Variants in TBCK observed in about 807,000 individuals in gnomAD.
TBCK encodes TBC1 domain containing kinase, also known as TBC domain-containing protein kinase-like protein.
TBCK carries 99 observed loss-of-function variants against 113.4 expected under a neutral mutation model. The ratio of observed to expected loss-of-function variants is 0.87; its 90% CI spans 0.74 to 1.03. The LOEUF is 1.03. Ranked by LOEUF, TBCK falls within the 50% of genes least tolerant of loss-of-function variation. The pLI is 0.00. For synonymous variants in TBCK, 369 were observed against 370.8 expected, an observed-to-expected ratio of 1.00 and a Z score of 0.05; for missense variants, 1,045 against 1,061.3, an observed-to-expected ratio of 0.98 and a Z score of 0.21.
intron 25 of TBCK, among the ~76,000 whole-genome samples, chr4:106,059,181 G>A (rs114790864): frequency 0.012 from 1,711 of 137,858 alleles, 34 homozygotes; most frequent in African/African-American, 0.044. Flanking sequence ...TTTGGCCTTA[G>A]TTTTGTTACC....
At chr4:106,151,098 A>G (rs992724834) in intron 23 of TBCK, among the ~76,000 whole-genome samples, 1 of 151,926 alleles carries the variant, frequency 6.6e-6, no homozygotes, top group Non-Finnish European at 1.5e-5. Context: ...ATATTTATGC[A>G]TTACATGAGA....
Position 106,242,520 on chromosome 4 carries a change from A to G in TBCK, c.1120T>C (p.Ser374Pro), listed in dbSNP as rs1290079269. The G allele has an allele frequency of 6.2e-7, 1 of 1,609,496 alleles. No individual in the cohort carries two copies. Among genetic ancestry groups the G allele is most frequent in the Non-Finnish European group, 8.5e-7 (1 of 1,177,976 alleles). Residue 374 changes from serine (S) to proline (P), a missense_variant, in exon 12 of 26, where the codon TCG (serine) becomes CCG (proline). Physicochemically the swap from Ser to Pro is moderately conservative, Grantham distance 74 (BLOSUM62 -1). Coordinates refer to ENST00000394708, the MANE Select transcript of TBCK (RefSeq NM_001163435.3). ...ESFGQGRDRS[S>P]LLDDTTVTLS... ...GTCACAGTGGTATCATCTAAAAGCG[A>G]GCTTCTATCTCGACCTTGTCCAAAG...
At chr4:106,076,787 C>T (rs776948046) in intron 25 of TBCK, among the ~76,000 whole-genome samples, 23 of 152,000 alleles carry the variant, frequency 1.5e-4, no homozygotes, top group Non-Finnish European at 2.5e-4. Flanking sequence ...CAAAAGAGAA[C>T]GCAATTCTTT....
intron 23 of TBCK, among the ~76,000 whole-genome samples, chr4:106,123,769 A>G (rs1026141087): frequency 6.6e-6 from 1 of 151,378 alleles, no homozygotes; most frequent in Non-Finnish European, 1.5e-5. Flanking sequence ...CCTATTTAAT[A>G]AATGGTGCTG....
intron 3 of TBCK, among the ~76,000 whole-genome samples, chr4:106,294,761 G>T (rs1328731882): frequency 6.6e-6 from 1 of 151,986 alleles, no homozygotes; most frequent in African/African-American, 2.4e-5. Context: ...CATTACAGGC[G>T]TGAGCCACCA....
chr4:106,062,511 A>G (rs1736164973), intron 25 of TBCK, among the ~76,000 whole-genome samples: 2 of 152,052 alleles, frequency 1.3e-5, no homozygotes, highest in South Asian at 4.1e-4. Context: ...ATATTACACA[A>G]AGTACGCTAT....
At chr4:106,198,121 A>C (rs1560804903) in intron 20 of TBCK, among the ~76,000 whole-genome samples, 1 of 152,126 alleles carries the variant, frequency 6.6e-6, no homozygotes, top group African/African-American at 2.4e-5. Flanking sequence ...TTAGTGAAAA[A>C]GCCAAGGACT....
chr4:106,203,725 T>G (rs1285612451), intron 20 of TBCK, among the ~76,000 whole-genome samples: 5 of 152,058 alleles, frequency 3.3e-5, no homozygotes, highest in African/African-American at 4.8e-5. Context: ...TGAGCTATTA[T>G]TCCAGAATAT....
At chr4:106,289,768 A>AAAAAAAAAAAAG (rs1048426974) in intron 3 of TBCK, among the ~76,000 whole-genome samples, 1 of 142,922 alleles carries the variant, frequency 7.0e-6, no homozygotes, top group South Asian at 2.2e-4. Context: ...ACTCTGTCTC[A>AAAAAAAAAAAAG]AAAAAAAAAA....
intron 14 of TBCK, 31 bp downstream of exon 14, chr4:106,236,359 T>C (rs985992007): frequency 1.2e-5 from 16 of 1,371,872 alleles, no homozygotes; most frequent in African/African-American, 3.0e-5. Flanking sequence ...ATATGGGCTA[T>C]TGTTAACACT....
intron 23 of TBCK, among the ~76,000 whole-genome samples, chr4:106,143,001 G>C (rs1013819975): frequency 6.6e-6 from 1 of 152,174 alleles, no homozygotes; most frequent in African/African-American, 2.4e-5. Context: ...TCAGCTACTA[G>C]CTTGGGACAA....
intron 19 of TBCK, among the ~76,000 whole-genome samples, chr4:106,217,240 G>C (rs948730413): frequency 8.7e-4 from 133 of 152,232 alleles, no homozygotes; most frequent in Non-Finnish European, 1.1e-3. Context: ...AGCTATCTAT[G>C]AGAAACCCAC....
intron 5 of TBCK, among the ~76,000 whole-genome samples, chr4:106,258,787 CAT>C (rs759967183): frequency 4.5e-4 from 69 of 152,050 alleles, no homozygotes; most frequent in Non-Finnish European, 6.2e-4. Context: ...AGGCATTTAT[CAT>C]ACATGACAAA....
intron 19 of TBCK, among the ~76,000 whole-genome samples, chr4:106,223,128 C>A (rs993232118): frequency 6.6e-6 from 1 of 152,042 alleles, no homozygotes; most frequent in Non-Finnish European, 1.5e-5. Flanking sequence ...CTCCAAATAT[C>A]ATTAAAGTCA....
At chr4:106,082,339 G>A (rs551981893) in intron 25 of TBCK, among the ~76,000 whole-genome samples, 1 of 152,182 alleles carries the variant, frequency 6.6e-6, no homozygotes, top group Non-Finnish European at 1.5e-5. Context: ...TGCAGGAACA[G>A]AAAACCAAAC....
chr4:106,116,184 C>T lies in TBCK; in HGVS notation c.2411+19G>A, dbSNP rs1344686135. On this transcript the variant is annotated intron_variant, in intron 24 of 25. Coordinates refer to ENST00000394708, the MANE Select transcript of TBCK (RefSeq NM_001163435.3). ...AAATAAGCAGTACCACCCTTTAAAA[C>T]AGCATATGCAAAGGATACTCTTCAC... 14 of 1,610,768 alleles carry T rather than the reference C, an allele frequency of 8.7e-6. No homozygotes were observed. The highest frequency in any genetic ancestry group is 8.4e-5 in the Admixed American group (5 of 59,772).
At position 106,236,510 on chromosome 4, in the gene TBCK, ATT is replaced by A; in HGVS notation, c.1228_1229del (p.Asn410PhefsTer8). ...FYPLLEDDQS[N>X]LPHSNSNNEL... ...CATTATTGCTGTTTGAATGAGGTAA[ATT>A]AGACTGGCTGTAAAAGAGAACAAAA... is the stretch of plus-strand genomic sequence containing the variant. On this transcript the variant is annotated frameshift_variant, in exon 14 of 26. Coordinates refer to ENST00000394708, the MANE Select transcript of TBCK (RefSeq NM_001163435.3). LOFTEE classifies it high-confidence loss of function. 6.5e-7 allele frequency: 1 copy of A among 1,537,406 alleles called. No homozygotes were observed. Among genetic ancestry groups the A allele is most frequent in the Non-Finnish European group, 8.7e-7 (1 of 1,144,432 alleles).
At chr4:106,130,979 T>G (rs1465231880) in intron 23 of TBCK, among the ~76,000 whole-genome samples, 1 of 152,148 alleles carries the variant, frequency 6.6e-6, no homozygotes, top group Non-Finnish European at 1.5e-5. Flanking sequence ...AAATTCAGAT[T>G]GATATGGACT....
chr4:106,231,669 G>T, intron 18 of TBCK, 60 bp downstream of exon 18: 2 of 1,497,572 alleles, frequency 1.3e-6, no homozygotes, highest in Middle Eastern at 2.1e-4. Flanking sequence ...CCTTTCATGT[G>T]TGAATCAAAT....
Sources: gnomAD v4.1 joint callset for allele counts (sites outside exome capture counted in the v4.1 genomes callset) on GRCh38, gnomAD v4.1.1 for gene constraint, MANE v1.5 for transcripts, NCBI Gene and HGNC (gene_info 2026-07-23, HGNC 2026-07-21) for gene names.